CC2D2B: variants seen among roughly 807,000 people sequenced by gnomAD.
CC2D2B encodes protein CC2D2B.
CC2D2B carries 128 observed loss-of-function variants against 161.2 expected under a neutral mutation model. That is an observed-to-expected ratio of 0.79 (90% CI 0.69 to 0.92). CC2D2B has a LOEUF of 0.92. CC2D2B is among the 40% of genes least tolerant of loss of function. CC2D2B has a pLI of 0.00. For synonymous variants in CC2D2B, 391 were observed against 449.8 expected (o/e 0.87, Z 1.65); for missense variants, 1,173 against 1,375.1 (o/e 0.85, Z 2.32).
At position 95,983,746 on chromosome 10, in the gene CC2D2B, A is replaced by C; in HGVS notation, c.2223A>C (p.Leu741Phe). ...TGCAACTTAGAAATGCAGGTCAATT[A>C]GATAATTTCCTTCTACAGCAAATGC... The part of the protein sequence containing the change: ...QLLQLRNAGQ[L>F]DNFLLQQMPL... The change falls in exon 19 of 35, where the codon TTA (leucine) becomes TTC (phenylalanine). Residue 741 changes from leucine (L) to phenylalanine (F), a missense_variant. By Grantham distance (22) the Leu-to-Phe change is conservative. Coordinates refer to ENST00000646931, the MANE Select transcript of CC2D2B (RefSeq NM_001349008.3). 1 of 1,231,268 alleles carries C rather than the reference A, an allele frequency of 8.1e-7. No homozygotes were observed. The highest frequency in any genetic ancestry group is 1.0e-6 in the Non-Finnish European group (1 of 987,250). 76.3% of individuals were successfully genotyped at this position (1,231,268 alleles called of 1,614,324 possible).
intron 24 of CC2D2B, among the ~76,000 whole-genome samples, chr10:96,000,568 G>A (rs966050626): frequency 1.1e-4 from 16 of 152,010 alleles, no homozygotes; most frequent in Admixed American, 9.8e-4. Flanking sequence ...GTTTCACCAT[G>A]TTAGTCAGGA....
chr10:96,016,143 T>C, intron 29 of CC2D2B, 58 bp from the exon 30 acceptor site: 1 of 1,102,812 alleles, frequency 9.1e-7, no homozygotes, highest in Non-Finnish European at 1.4e-6. Context: ...GATGCTTGCG[T>C]TACTCAACTT....
At chr10:96,010,347 T>G (rs2078933375) in intron 26 of CC2D2B, among the ~76,000 whole-genome samples, 3 of 152,266 alleles carry the variant, frequency 2.0e-5, no homozygotes, top group African/African-American at 7.2e-5. Context: ...GTTTATTATG[T>G]AGCAGGAAAA....
At chr10:95,996,959 A>T (rs2078253360) in intron 24 of CC2D2B, among the ~76,000 whole-genome samples, 1 of 152,214 alleles carries the variant, frequency 6.6e-6, no homozygotes, top group Non-Finnish European at 1.5e-5. Flanking sequence ...CTCTTCCGCC[A>T]TGTGAGGACA....
intron 9 of CC2D2B, among the ~76,000 whole-genome samples, chr10:95,940,926 T>C (rs1490345614): frequency 6.6e-6 from 1 of 152,182 alleles, no homozygotes; most frequent in Non-Finnish European, 1.5e-5. Flanking sequence ...AAGCTTTATA[T>C]TCCTGACTTC....
chr10:95,929,085 C>T (rs569095351), intron 6 of CC2D2B, among the ~76,000 whole-genome samples: 8 of 152,184 alleles, frequency 5.3e-5, no homozygotes, highest in East Asian at 1.9e-4. Context: ...TTTTAATGAT[C>T]GCCATTCTAA....
intron 28 of CC2D2B, among the ~76,000 whole-genome samples, chr10:96,013,514 A>G (rs1432582007): frequency 6.6e-6 from 1 of 151,306 alleles, no homozygotes; most frequent in Non-Finnish European, 1.5e-5. Context: ...CTAAATAAAT[A>G]AATATAAATA....
intron 6 of CC2D2B, among the ~76,000 whole-genome samples, chr10:95,931,754 G>A (rs996200126): frequency 1.5e-4 from 23 of 151,022 alleles, no homozygotes; most frequent in Non-Finnish European, 2.5e-4. Flanking sequence ...AGACTGTTAC[G>A]ATTTCCATTC....
chr10:96,033,030 C>T lies in CC2D2B; in HGVS notation c.*1022C>T, dbSNP rs1208164220. Among the ~76,000 whole-genome samples, 1 of 152,144 alleles carries T rather than the reference C, an allele frequency of 6.6e-6. No homozygotes were observed. Among genetic ancestry groups the T allele is most frequent in the Non-Finnish European group, 1.5e-5 (1 of 68,026 alleles). ...AAAAGAAATGTGTTTATATAATTTA[C>T]TTACATATGACAAAATAACTTATCA... On this transcript the variant is annotated 3_prime_UTR_variant, in exon 35 of 35. Transcript: ENST00000646931.
intron 7 of CC2D2B, 158 bp downstream of exon 7, chr10:95,938,347 T>G (rs1316394278): frequency 9.7e-6 from 6 of 619,450 alleles, no homozygotes; most frequent in Non-Finnish European, 1.7e-5. Context: ...AGGGAACTGA[T>G]TAAGAGAACT....
chr10:96,018,799 G>A lies in CC2D2B; in HGVS notation c.3631-404G>A, dbSNP rs554819975. The A allele has an allele frequency of 2.9e-5, 4 of 140,300 alleles. No homozygotes were observed. In the South Asian group the frequency reaches 8.9e-4, roughly 31 times the overall value. 8.7% of individuals were successfully genotyped at this position (140,300 alleles called of 1,614,324 possible). ...CTCAAAAAGGCTTTTATTTATTTTT[G>A]TTGTTTGTTTGTTATTGAGACAGGA... On this transcript the variant is annotated intron_variant, in intron 30 of 34. Coordinates refer to ENST00000646931, the MANE Select transcript of CC2D2B (RefSeq NM_001349008.3).
chr10:95,910,228 C>T (rs1221236999), intron 1 of CC2D2B, among the ~76,000 whole-genome samples: 1 of 152,202 alleles, frequency 6.6e-6, no homozygotes, highest in Non-Finnish European at 1.5e-5. Context: ...ATTGCATGAA[C>T]TTGCATTTAA....
At chr10:95,945,176 C>T (rs1381926558) in intron 9 of CC2D2B, among the ~76,000 whole-genome samples, 1 of 152,170 alleles carries the variant, frequency 6.6e-6, no homozygotes, top group Non-Finnish European at 1.5e-5. Flanking sequence ...TTATAATTTA[C>T]CTAGCCTCAG....
intron 12 of CC2D2B, among the ~76,000 whole-genome samples, chr10:95,964,899 T>A (rs2141445038): frequency 6.6e-6 from 1 of 152,278 alleles, no homozygotes; most frequent in South Asian, 2.1e-4. Context: ...AATCTTAGGA[T>A]GTTTTTGTCA....
At chr10:95,956,960 G>A (rs2076586526) in intron 11 of CC2D2B, among the ~76,000 whole-genome samples, 1 of 152,136 alleles carries the variant, frequency 6.6e-6, no homozygotes, top group African/African-American at 2.4e-5. Context: ...CAGAACTCAT[G>A]GATATGAAAA....
chr10:95,957,092 C>A (rs77147865), intron 11 of CC2D2B, among the ~76,000 whole-genome samples: 8 of 152,168 alleles, frequency 5.3e-5, no homozygotes, highest in Non-Finnish European at 1.0e-4. Flanking sequence ...GCTATCCCCC[C>A]ACCCCTGCCC....
At chr10:95,958,515 T>A (rs889112467) in intron 11 of CC2D2B, among the ~76,000 whole-genome samples, 10 of 149,922 alleles carry the variant, frequency 6.7e-5, no homozygotes, top group Admixed American at 2.0e-4. Flanking sequence ...ATTAATTAAT[T>A]AATTAAATAA....
chr10:96,001,459 C>A (rs1254278555), intron 24 of CC2D2B, among the ~76,000 whole-genome samples: 1 of 151,970 alleles, frequency 6.6e-6, no homozygotes, highest in South Asian at 2.1e-4. Flanking sequence ...TTATCTGAAG[C>A]CTATGTTAAT....
chr10:95,999,092 C>CA (rs1564655530), intron 24 of CC2D2B, among the ~76,000 whole-genome samples: 1 of 152,014 alleles, frequency 6.6e-6, no homozygotes. Context: ...AAGAAAAAAA[C>CA]AAAAAACAAA....
Sources: allele counts gnomAD v4.1 joint callset (sites outside exome capture counted in the v4.1 genomes callset), GRCh38; gene constraint gnomAD v4.1.1; transcripts MANE v1.5; gene names NCBI Gene and HGNC (gene_info 2026-07-23, HGNC 2026-07-21).